EDIL3: variants seen among roughly 807,000 people sequenced by gnomAD.
The protein encoded by EDIL3 is EGF-like repeat and discoidin I-like domain-containing protein 3.
Under a neutral mutation model 67.4 loss-of-function variants are expected in EDIL3, and 37 were observed. That is an observed-to-expected ratio of 0.55 (90% CI 0.42 to 0.72). EDIL3 has a LOEUF of 0.72. EDIL3 is among the 30% of genes least tolerant of loss of function. The probability of loss-of-function intolerance (pLI) is 0.00; values close to 1 mark genes in which losing one functional copy is unlikely to be tolerated. For synonymous variants in EDIL3, 195 were observed against 196.3 expected (o/e 0.99, Z 0.05); for missense variants, 527 against 586.3 (o/e 0.90, Z 1.04).
intron 5 of EDIL3, among the ~76,000 whole-genome samples, chr5:84,116,166 T>C (rs1318097648): frequency 7.3e-6 from 1 of 137,004 alleles, no homozygotes; most frequent in East Asian, 2.1e-4. Flanking sequence ...TTAGGTCTAG[T>C]ATGAAATTTT....
intron 9 of EDIL3, among the ~76,000 whole-genome samples, chr5:83,978,971 T>C (rs1192252495): frequency 6.6e-6 from 1 of 151,996 alleles, no homozygotes; most frequent in African/African-American, 2.4e-5. Context: ...AATGAAAATT[T>C]CCATACAACT....
In EDIL3 at chr5:84,247,104, C is replaced by T. The variant is rs375585373; in HGVS notation, c.196+6980G>A. Among the ~76,000 whole-genome samples the T allele has an allele frequency of 8.8e-4, 134 of 152,186 alleles. 1 individual carries two copies. Among genetic ancestry groups the T allele is most frequent in the African/African-American group, 3.1e-3 (127 of 41,530 alleles). On this transcript the variant is annotated intron_variant, in intron 2 of 10. Transcript: ENST00000296591. ...TTCTTAGCAATCATCTATTGGCTAGCAGCTTTAGAGAAAGTATTTTAGTCC... is the reference window on the plus strand; with the variant it reads ...TTCTTAGCAATCATCTATTGGCTAGTAGCTTTAGAGAAAGTATTTTAGTCC...
At chr5:84,072,526 A>G (rs1303798434) in intron 6 of EDIL3, among the ~76,000 whole-genome samples, 4 of 152,176 alleles carry the variant, frequency 2.6e-5, no homozygotes, top group Non-Finnish European at 5.9e-5. Flanking sequence ...TTTTCATGTG[A>G]TAGTGTAATG....
At chr5:84,232,715 A>T (rs1000115164) in intron 2 of EDIL3, among the ~76,000 whole-genome samples, 3 of 152,174 alleles carry the variant, frequency 2.0e-5, no homozygotes, top group African/African-American at 7.2e-5. Flanking sequence ...AGATGTCATT[A>T]ACCAATATTC....
intron 1 of EDIL3, among the ~76,000 whole-genome samples, chr5:84,318,231 C>T (rs1015580562): frequency 6.6e-6 from 1 of 152,134 alleles, no homozygotes; most frequent in Non-Finnish European, 1.5e-5. Context: ...GGCCATACTG[C>T]CCAAATTAAT....
chr5:84,133,032 G>C (rs767856041), intron 5 of EDIL3, among the ~76,000 whole-genome samples: 4 of 152,054 alleles, frequency 2.6e-5, no homozygotes, highest in Non-Finnish European at 4.4e-5. Context: ...AAATGAATTT[G>C]AGTGGCATTC....
chr5:83,966,392 T>C (rs965425031), intron 9 of EDIL3, among the ~76,000 whole-genome samples: 1 of 152,116 alleles, frequency 6.6e-6, no homozygotes, highest in Non-Finnish European at 1.5e-5. Context: ...TGAATGTCAC[T>C]ATGTATCAGA....
chr5:84,319,598 C>A (rs1248070375), intron 1 of EDIL3, among the ~76,000 whole-genome samples: 3 of 141,982 alleles, frequency 2.1e-5, no homozygotes, highest in African/African-American at 7.8e-5. Flanking sequence ...TGTGGCGATT[C>A]CTAAATGATC....
rs139074327 is a variant in EDIL3, at chr5:83,971,719, T to C, written c.1138-8359A>G. 7.8e-3 allele frequency among the ~76,000 whole-genome samples: 1,184 copies of C among 152,126 alleles called. 16 individuals are homozygous for C. Among genetic ancestry groups the C allele is most frequent in the African/African-American group, 0.027 (1,108 of 41,534 alleles). ...AACTTGAAATGACAGAGAAGAGTCC[T>C]GGTGTTTGTCACATGCCAGTCATAT... On this transcript the variant is annotated intron_variant, in intron 9 of 10. Transcript: ENST00000296591.
At chr5:84,371,882 T>C (rs1351302028) in intron 1 of EDIL3, among the ~76,000 whole-genome samples, 1 of 152,154 alleles carries the variant, frequency 6.6e-6, no homozygotes, top group Non-Finnish European at 1.5e-5. Context: ...CATCACTTCC[T>C]ATCTTCTTAT....
At chr5:84,082,187 A>G (rs1007454732) in intron 6 of EDIL3, among the ~76,000 whole-genome samples, 9 of 152,244 alleles carry the variant, frequency 5.9e-5, no homozygotes, top group African/African-American at 1.9e-4. Context: ...AAGTTTTGCT[A>G]TGATAATACT....
In EDIL3 at chr5:84,143,774, G is replaced by A. The variant is rs552244145; in HGVS notation, c.356-6420C>T. ...AATATATATATATATGCAGAGGCCAGTAAGAACAGATGCCTCTTTCAGTAA... is the reference window on the plus strand; with the variant it reads ...AATATATATATATATGCAGAGGCCAATAAGAACAGATGCCTCTTTCAGTAA... On this transcript the variant is annotated intron_variant, in intron 4 of 10. Transcript: ENST00000296591. Among the ~76,000 whole-genome samples the A allele has an allele frequency of 1.4e-4, 21 of 152,110 alleles. No individual in the cohort carries two copies. The South Asian group carries it at 1.4e-3, about 11-fold the overall frequency.
rs1748111534 is a variant in EDIL3 at position 84,137,334 on chromosome 5, C to T, written c.376G>A (p.Glu126Lys). ...CQHNINECEV[E>K]PCKNGGICTD... ...CATATTCCACCATTTTTGCAAGGCT[C>T]AACTTCGCATTCATTTATGTCTAAG... The change falls in exon 5 of 11, where the codon GAG becomes AAG. Residue 126 changes from glutamate to lysine, a missense_variant. Coordinates refer to ENST00000296591, the MANE Select transcript of EDIL3 (RefSeq NM_005711.5). 1.9e-6 allele frequency: 3 copies of T among 1,613,042 alleles called. No individual in the cohort carries two copies. The highest frequency in any genetic ancestry group is 2.5e-6 in the Non-Finnish European group (3 of 1,179,700).
intron 1 of EDIL3, among the ~76,000 whole-genome samples, chr5:84,264,953 C>T (rs186448231): frequency 3.9e-4 from 60 of 152,190 alleles, no homozygotes; most frequent in Admixed American, 8.5e-4. Context: ...TTTTTCTAAG[C>T]GTAAATCTGG....
intron 1 of EDIL3, among the ~76,000 whole-genome samples, chr5:84,346,135 C>CTTTTTTTTT (rs912729041): frequency 2.4e-5 from 3 of 122,898 alleles, no homozygotes; most frequent in African/African-American, 3.1e-5. Flanking sequence ...CTTTTTTTTT[C>CTTTTTTTTT]TTTTTTTTTT....
intron 5 of EDIL3, among the ~76,000 whole-genome samples, chr5:84,117,614 A>C (rs1747694118): frequency 6.6e-6 from 1 of 152,054 alleles, no homozygotes; most frequent in Non-Finnish European, 1.5e-5. Context: ...AAAGTTGTAA[A>C]TAATCCTATG....
chr5:84,156,809 G>A (rs1748499248), intron 4 of EDIL3, among the ~76,000 whole-genome samples: 1 of 152,034 alleles, frequency 6.6e-6, no homozygotes, highest in African/African-American at 2.4e-5. Flanking sequence ...CAATAATCTT[G>A]GTCCCAGAGT....
chr5:84,328,555 A>T (rs1746810991), intron 1 of EDIL3, among the ~76,000 whole-genome samples: 1 of 152,106 alleles, frequency 6.6e-6, no homozygotes, highest in South Asian at 2.1e-4. Context: ...GAAGGGTCCT[A>T]TGCCTAGGGT....
At chr5:83,965,177 A>C (rs545328068) in intron 9 of EDIL3, among the ~76,000 whole-genome samples, 1 of 152,078 alleles carries the variant, frequency 6.6e-6, no homozygotes. Flanking sequence ...ATTTTCTCTC[A>C]ATGATTTCTT....
Sources: allele counts gnomAD v4.1 joint callset (sites outside exome capture counted in the v4.1 genomes callset), GRCh38; gene constraint gnomAD v4.1.1; transcripts MANE v1.5; gene names NCBI Gene and HGNC (gene_info 2026-07-23, HGNC 2026-07-21).